SLFN12: variants seen among roughly 807,000 people sequenced by gnomAD.
SLFN12 encodes the protein schlafen family member 12, also known as ribonuclease SLFN12.
Under a neutral mutation model 29.1 loss-of-function variants are expected in SLFN12, and 25 were observed. The ratio of observed to expected loss-of-function variants is 0.86; its 90% CI spans 0.63 to 1.20. SLFN12 has a LOEUF of 1.20. Among genes scored for constraint, SLFN12 ranks in the 50% most tolerant of loss-of-function variants. The pLI is 0.00. For synonymous variants in SLFN12, 257 were observed against 238.7 expected (o/e 1.08, Z -0.71); for missense variants, 660 against 666.2 (o/e 0.99, Z 0.10).
chr17:35,426,722 A>T (rs1912039426), intron 1 of SLFN12, among the ~76,000 whole-genome samples: 1 of 152,128 alleles, frequency 6.6e-6, no homozygotes, highest in South Asian at 2.1e-4. Flanking sequence ...TGGCAAGGCA[A>T]ACCTTCAGTG....
intron 3 of SLFN12, among the ~76,000 whole-genome samples, chr17:35,414,967 C>A (rs1911233576): frequency 6.6e-6 from 1 of 151,962 alleles, no homozygotes; most frequent in South Asian, 2.1e-4. Context: ...CAATGCAATT[C>A]CCATCAAAAT....
chr17:35,427,085 C>T (rs1461314518), intron 1 of SLFN12, among the ~76,000 whole-genome samples: 2 of 152,136 alleles, frequency 1.3e-5, no homozygotes, highest in Admixed American at 1.3e-4. Context: ...CAGGTTACAA[C>T]ATTGAAAATA....
chr17:35,417,310 G>A (rs1387180066), intron 3 of SLFN12, among the ~76,000 whole-genome samples: 5 of 151,990 alleles, frequency 3.3e-5, no homozygotes, highest in African/African-American at 1.2e-4. Context: ...ATGTCAACAG[G>A]AGTAGAAAAT....
chr17:35,428,519 C>A (rs2142050400), intron 1 of SLFN12, among the ~76,000 whole-genome samples: 2 of 152,094 alleles, frequency 1.3e-5, no homozygotes, highest in South Asian at 4.1e-4. Flanking sequence ...AGCATCTTTC[C>A]CTCAGTGTTT....
chr17:35,424,054 T>C (rs9892864), intron 1 of SLFN12, among the ~76,000 whole-genome samples: 1,621 of 152,262 alleles, frequency 0.011, 29 homozygotes, highest in African/African-American at 0.036. Flanking sequence ...AACTAAGACA[T>C]TGTGCTTTAG....
In SLFN12 at chr17:35,422,543, C is replaced by A; in HGVS notation, c.486G>T (p.Leu162Phe). The A allele has an allele frequency of 6.2e-7, 1 of 1,614,092 alleles. No individual in the cohort carries two copies. The highest frequency in any genetic ancestry group is 1.1e-5 in the South Asian group (1 of 91,082). ...TATCAACACAGGGCCTCTTTGCCAG[C>A]AATTCTGGTCTTAAATACAATCTCC... ...TRGRLYLRPE[L>F]LAKRPCVDIQ... Residue 162 changes from leucine to phenylalanine, a missense_variant, in exon 2 of 4, where the codon TTG becomes TTT. Physicochemically the swap from Leu to Phe is conservative, Grantham distance 22. Transcript: ENST00000304905.
At chr17:35,414,761 G>C (rs35321169) in intron 3 of SLFN12, among the ~76,000 whole-genome samples, 2 of 151,666 alleles carry the variant, frequency 1.3e-5, no homozygotes, top group African/African-American at 4.8e-5. Flanking sequence ...CAATCCCTCC[G>C]ACAACAGCTG....
chr17:35,430,099 T>C lies in SLFN12; in HGVS notation c.-41+2089A>G, dbSNP rs530851296. Among the ~76,000 whole-genome samples, 15 of 152,122 alleles carry C rather than the reference T, an allele frequency of 9.9e-5. No individual in the cohort carries two copies. The East Asian group carries it at 2.7e-3, about 28-fold the overall frequency. On this transcript the variant is annotated intron_variant, in intron 1 of 3. Transcript: ENST00000304905. ...ATTTTCTGGGCTGCTCCCCAGCCCA[T>C]GCAGGAGCAAAAGTTCCACCCGACC...
At position 35,432,202 on chromosome 17, in the gene SLFN12, G is replaced by A. The variant is rs941654042; in HGVS notation, c.-55C>T. On this transcript the variant is annotated 5_prime_UTR_variant, in exon 1 of 4. Transcript: ENST00000304905. ...TTTGGGCTTACCTCCTGGTTGGCTTGCCAAAATATGTTACCAGTGAAGAGT... is the reference window on the plus strand; with the variant it reads ...TTTGGGCTTACCTCCTGGTTGGCTTACCAAAATATGTTACCAGTGAAGAGT... The A allele has an allele frequency of 1.3e-5, 2 of 152,206 alleles. No homozygotes were observed. Among genetic ancestry groups the A allele is most frequent in the Admixed American group, 6.5e-5 (1 of 15,284 alleles). 9.4% of individuals were successfully genotyped at this position (152,206 alleles called of 1,614,324 possible). A position where few individuals can be genotyped will look rare whatever the true frequency, so the allele number is the denominator to read the frequency against.
intron 1 of SLFN12, among the ~76,000 whole-genome samples, chr17:35,424,857 T>C (rs1911906586): frequency 6.6e-6 from 1 of 152,174 alleles, no homozygotes; most frequent in African/African-American, 2.4e-5. Context: ...AATAAAATCC[T>C]ATATATTGAT....
chr17:35,413,765 GA>G (rs74444170), intron 3 of SLFN12, among the ~76,000 whole-genome samples: 55 of 141,176 alleles, frequency 3.9e-4, no homozygotes, highest in African/African-American at 9.2e-4. Context: ...AAAAAAAAAA[GA>G]AAAAAAAAGA....
chr17:35,428,779 T>C (rs1209677977), intron 1 of SLFN12, among the ~76,000 whole-genome samples: 1 of 152,128 alleles, frequency 6.6e-6, no homozygotes. Context: ...TGTGGCATAA[T>C]TATGCTAGAA....
intron 1 of SLFN12, among the ~76,000 whole-genome samples, chr17:35,431,532 C>T (rs1912316182): frequency 6.6e-6 from 1 of 152,126 alleles, no homozygotes; most frequent in South Asian, 2.1e-4. Context: ...AAAGGAACCC[C>T]CTTGGAGAGG....
chr17:35,421,074 T>G (rs1408596069), intron 2 of SLFN12, among the ~76,000 whole-genome samples: 2 of 151,866 alleles, frequency 1.3e-5, no homozygotes, highest in East Asian at 3.9e-4. Flanking sequence ...CTGGGCGTGG[T>G]GGCGGGCACC....
chr17:35,421,890 T>C (rs1489888767), intron 2 of SLFN12, 100 bp downstream of exon 2: 4 of 1,443,360 alleles, frequency 2.8e-6, no homozygotes, highest in Admixed American at 2.5e-5. Flanking sequence ...GTTTAGGTGC[T>C]GAAATTTGAG....
At position 35,411,400 on chromosome 17, in the gene SLFN12, C is replaced by T. The variant is rs1204607293; in HGVS notation, c.1675G>A (p.Gly559Ser). ...TCATTCTTCTGAAAGCAATCTATAC[C>T]GATTATCTGGTATAGATTTTCTGCA... ...SFAENLYQII[G>S]IDCFQKNDKK... Residue 559 changes from glycine to serine, a missense_variant, in exon 4 of 4, where the codon GGT (glycine) becomes AGT (serine). By Grantham distance (56) the Gly-to-Ser change is moderately conservative (BLOSUM62 0). Transcript: ENST00000304905. 5 of 1,600,790 alleles carry T rather than the reference C, an allele frequency of 3.1e-6. No homozygotes were observed. Among genetic ancestry groups the T allele is most frequent in the South Asian group, 2.3e-5 (2 of 88,552 alleles).
At chr17:35,421,249 TA>T (rs1283837797) in intron 2 of SLFN12, among the ~76,000 whole-genome samples, 1 of 146,782 alleles carries the variant, frequency 6.8e-6, no homozygotes, top group East Asian at 2.0e-4. Flanking sequence ...AATAAATAAA[TA>T]AATAAATAGA....
At chr17:35,421,161 A>T (rs1911612265) in intron 2 of SLFN12, among the ~76,000 whole-genome samples, 1 of 151,604 alleles carries the variant, frequency 6.6e-6, no homozygotes, top group Non-Finnish European at 1.5e-5. Context: ...GTAAGCCGAG[A>T]TCCTGCCATT....
intron 3 of SLFN12, among the ~76,000 whole-genome samples, chr17:35,418,309 T>A (rs1176369472): frequency 6.6e-6 from 1 of 152,070 alleles, no homozygotes; most frequent in Non-Finnish European, 1.5e-5. Context: ...CAACATGGGT[T>A]TGAATTGCAT....
Sources: gnomAD v4.1 joint callset for allele counts (sites outside exome capture counted in the v4.1 genomes callset) on GRCh38, gnomAD v4.1.1 for gene constraint, MANE v1.5 for transcripts, NCBI Gene and HGNC (gene_info 2026-07-23, HGNC 2026-07-21) for gene names.